Variants in PALLD observed in about 807,000 individuals in gnomAD.
PALLD encodes the protein palladin, cytoskeletal associated protein, also known as palladin.
In PALLD, 61 loss-of-function variants were observed where a neutral mutation model predicts 123.5. That is an observed-to-expected ratio of 0.49 (90% CI 0.40 to 0.61). The LOEUF is 0.61. PALLD is among the 20% of genes least tolerant of loss of function. PALLD has a pLI of 0.00. For synonymous variants in PALLD, 465 were observed against 496.4 expected, an observed-to-expected ratio of 0.94 and a Z score of 0.84; for missense variants, 1,273 against 1,377.0, an observed-to-expected ratio of 0.92 and a Z score of 1.20.
intron 2 of PALLD, among the ~76,000 whole-genome samples, chr4:168,646,172 C>T (rs1777428611): frequency 6.6e-6 from 1 of 152,142 alleles, no homozygotes. Context: ...GCTCAGCTTT[C>T]CCACGAAAAA....
intron 11 of PALLD, 128 bp from the exon 12 acceptor site, chr4:168,894,451 T>C: frequency 1.4e-6 from 1 of 708,382 alleles, no homozygotes; most frequent in Non-Finnish European, 2.5e-6. Context: ...TATGCAGGTA[T>C]CTGAAGCTGG....
intron 10 of PALLD, among the ~76,000 whole-genome samples, chr4:168,725,759 C>G (rs542888019): frequency 1.3e-5 from 2 of 152,180 alleles, no homozygotes; most frequent in South Asian, 4.1e-4. Context: ...ATTTCCTGAC[C>G]TCATGATCCG....
At chr4:168,645,802 G>A (rs1777391120) in intron 2 of PALLD, among the ~76,000 whole-genome samples, 1 of 152,142 alleles carries the variant, frequency 6.6e-6, no homozygotes, top group South Asian at 2.1e-4. Context: ...TGCAAACGGG[G>A]CTGCTCACAG....
rs181848800 is a variant in PALLD, at chr4:168,782,844, G to A, written c.1964+70921G>A. On this transcript the variant is annotated intron_variant, in intron 10 of 21. Transcript: ENST00000505667. ...GCATGAGAATCGCTTGAACCTGGGA[G>A]GTGGAGGTTGCAGTGAGCCGAGATC... 2.6e-4 allele frequency among the ~76,000 whole-genome samples: 39 copies of A among 152,160 alleles called. No homozygotes were observed. In the East Asian group the frequency reaches 7.0e-3, roughly 27 times the overall value.
At chr4:168,785,711 G>A (rs1370840018) in intron 10 of PALLD, among the ~76,000 whole-genome samples, 2 of 151,500 alleles carry the variant, frequency 1.3e-5, no homozygotes, top group African/African-American at 4.8e-5. Context: ...CTGGTTGAGA[G>A]GAGACCCAGT....
intron 10 of PALLD, among the ~76,000 whole-genome samples, chr4:168,775,884 A>G (rs970217628): frequency 1.3e-5 from 2 of 152,084 alleles, no homozygotes; most frequent in Non-Finnish European, 2.9e-5. Context: ...ATTCTGTTCA[A>G]TTAGTCTGTT....
At chr4:168,776,908 A>G (rs952050815) in intron 10 of PALLD, among the ~76,000 whole-genome samples, 1 of 152,108 alleles carries the variant, frequency 6.6e-6, no homozygotes, top group Admixed American at 6.6e-5. Context: ...AAATATTCCC[A>G]GTACACTTGA....
intron 5 of PALLD, 49 bp from the exon 6 acceptor site, chr4:168,685,436 A>T: frequency 1.7e-6 from 2 of 1,206,008 alleles, no homozygotes; most frequent in Non-Finnish European, 1.2e-6. Flanking sequence ...CCCATCTTTT[A>T]GGCAATTTAT....
chr4:168,619,404 G>C (rs918406707), intron 2 of PALLD, among the ~76,000 whole-genome samples: 1 of 152,206 alleles, frequency 6.6e-6, no homozygotes, highest in African/African-American at 2.4e-5. Context: ...AATGACTTTT[G>C]CTTTTAATCT....
chr4:168,894,490 AGT>A (rs1754696063), intron 11 of PALLD, 87 bp from the exon 12 acceptor site: 1 of 792,790 alleles, frequency 1.3e-6, no homozygotes, highest in Non-Finnish European at 2.2e-6. Flanking sequence ...AAATCATGAA[AGT>A]GTGTTGTTTT....
Position 168,844,382 on chromosome 4 carries a change from G to C in PALLD, c.1965-46540G>C, listed in dbSNP as rs915991490. 1.3e-5 allele frequency: 2 copies of C among 152,206 alleles called. No homozygotes were observed. The highest frequency in any genetic ancestry group is 2.9e-5 in the Non-Finnish European group (2 of 68,050). The allele number at this position is 152,206 out of a possible 1,614,324, so 9.4% of individuals were successfully genotyped here. A position where few individuals can be genotyped will look rare whatever the true frequency, so the allele number is the denominator to read the frequency against. Reference sequence around the variant, plus strand: ...TTCTGTATTAATTCTCAACAGTCCTGTGAGATCATTGTTTATTCTTGTTAA... The same window carrying C: ...TTCTGTATTAATTCTCAACAGTCCTCTGAGATCATTGTTTATTCTTGTTAA... On this transcript the variant is annotated intron_variant, in intron 10 of 21. Coordinates refer to ENST00000505667, the MANE Select transcript of PALLD (RefSeq NM_001166108.2). This position sits in a 1 kb window ranked among gnomAD's most constrained non-coding sequence, Gnocchi z 4.5.
chr4:168,565,533 A>T (rs192175643), intron 2 of PALLD, among the ~76,000 whole-genome samples: 126 of 152,228 alleles, frequency 8.3e-4, no homozygotes, highest in Admixed American at 1.7e-3. Flanking sequence ...GCTTGACTTA[A>T]GCCAGAGGAG....
intron 8 of PALLD, among the ~76,000 whole-genome samples, chr4:168,704,882 T>TTA (rs1784080990): frequency 6.6e-6 from 1 of 152,074 alleles, no homozygotes; most frequent in African/African-American, 2.4e-5. Flanking sequence ...GTCTTTGTGA[T>TTA]TATAGGATCA....
chr4:168,500,487 T>C (rs940096223), intron 1 of PALLD, among the ~76,000 whole-genome samples: 21 of 152,110 alleles, frequency 1.4e-4, no homozygotes, highest in Non-Finnish European at 2.4e-4. Flanking sequence ...CCTCAGCCTC[T>C]GGAGTAGCTG....
chr4:168,708,788 G>A (rs1275939081), intron 8 of PALLD, among the ~76,000 whole-genome samples: 2 of 151,988 alleles, frequency 1.3e-5, no homozygotes, highest in African/African-American at 2.4e-5. Context: ...TTTTATAGAT[G>A]AGGACACCGA....
At chr4:168,679,434 T>TGG (rs752534338) in intron 3 of PALLD, among the ~76,000 whole-genome samples, 3,892 of 93,532 alleles carry the variant, frequency 0.042, 183 homozygotes, top group Middle Eastern at 0.081. Flanking sequence ...TATGGATGTG[T>TGG]GGGGTGTGTG....
intron 10 of PALLD, among the ~76,000 whole-genome samples, chr4:168,804,673 A>C (rs1739880059): frequency 1.3e-5 from 2 of 152,254 alleles, no homozygotes; most frequent in Admixed American, 1.3e-4. Flanking sequence ...TTAAGTAAGC[A>C]TGGAAATTAG....
chr4:168,750,122 ATTTTTGTAGAGACGGCG>A lies in PALLD; in HGVS notation c.1964+38203_1964+38219del, dbSNP rs142273026. On this transcript the variant is annotated intron_variant, in intron 10 of 21. Coordinates refer to ENST00000505667, the MANE Select transcript of PALLD (RefSeq NM_001166108.2). ...GCCACCACACCCAGCTAATTTCTGTATTTTTGTAGAGACGGCGTTTCACCATGTTGGCCAGGCTGGTC... is the reference window on the plus strand; with the variant it reads ...GCCACCACACCCAGCTAATTTCTGTATTTCACCATGTTGGCCAGGCTGGTC... Among the ~76,000 whole-genome samples the A allele has an allele frequency of 0.03, 4,611 of 151,894 alleles. 330 individuals carry two copies. The East Asian group carries it at 0.31, about 10-fold the overall frequency.
At chr4:168,851,173 G>T (rs1747720999) in intron 10 of PALLD, among the ~76,000 whole-genome samples, 1 of 152,096 alleles carries the variant, frequency 6.6e-6, no homozygotes, top group South Asian at 2.1e-4. Flanking sequence ...CTGCTGCAGA[G>T]CCTGTGGACC....
Sources: gnomAD v4.1 joint callset for allele counts (sites outside exome capture counted in the v4.1 genomes callset) on GRCh38, gnomAD v4.1.1 for gene constraint, Gnocchi (gnomAD v3.1) non-coding constraint, MANE v1.5 for transcripts, NCBI Gene and HGNC (gene_info 2026-07-23, HGNC 2026-07-21) for gene names.